SKAP1: variants seen among roughly 807,000 people sequenced by gnomAD.
The protein encoded by SKAP1 is src kinase-associated phosphoprotein 1.
Under a neutral mutation model 58.5 loss-of-function variants are expected in SKAP1, and 44 were observed. The observed-to-expected ratio is 0.75, with a 90% CI of 0.59 to 0.97. The LOEUF (loss-of-function observed/expected upper bound fraction) is 0.97, where lower values mean the gene tolerates loss of function less well. Ranked by LOEUF, SKAP1 falls within the 50% of genes least tolerant of loss-of-function variation. The pLI, the probability that SKAP1 is intolerant of heterozygous loss-of-function variation, is 0.00. For synonymous variants in SKAP1, 127 were observed against 149.7 expected, an observed-to-expected ratio of 0.85 and a Z score of 1.11; for missense variants, 390 against 435.2, an observed-to-expected ratio of 0.90 and a Z score of 0.92.
chr17:48,247,328 T>A (rs913168082), intron 4 of SKAP1, among the ~76,000 whole-genome samples: 1 of 152,058 alleles, frequency 6.6e-6, no homozygotes, highest in African/African-American at 2.4e-5. Flanking sequence ...CGAAGGCAAA[T>A]AGCTAGAAAA....
intron 4 of SKAP1, among the ~76,000 whole-genome samples, chr17:48,269,915 C>G (rs1404536675): frequency 6.6e-6 from 1 of 152,184 alleles, no homozygotes; most frequent in East Asian, 1.9e-4. Flanking sequence ...GAGTTCGCGA[C>G]CTGCCCGACC....
intron 4 of SKAP1, among the ~76,000 whole-genome samples, chr17:48,213,838 C>T (rs1598433289): frequency 6.6e-6 from 1 of 152,214 alleles, no homozygotes. Flanking sequence ...AGTCTATCCA[C>T]ACAACCTGGA....
chr17:48,175,608 A>G (rs1478313619), intron 9 of SKAP1, among the ~76,000 whole-genome samples: 1 of 152,356 alleles, frequency 6.6e-6, no homozygotes, highest in Admixed American at 6.5e-5. Context: ...TGCTAACTGC[A>G]ACACTTGGAA....
At chr17:48,325,970 A>G (rs16955493) in intron 4 of SKAP1, among the ~76,000 whole-genome samples, 26,235 of 152,208 alleles carry the variant, frequency 0.17, 2,311 homozygotes, top group Non-Finnish European at 0.19. Flanking sequence ...AAAACTGTTC[A>G]TTAATTCACA....
At chr17:48,244,651 GAT>G (rs2065276321) in intron 4 of SKAP1, among the ~76,000 whole-genome samples, 1 of 152,160 alleles carries the variant, frequency 6.6e-6, no homozygotes, top group Non-Finnish European at 1.5e-5. Flanking sequence ...TTCTGCTGAT[GAT>G]ACACAGTTAT....
At chr17:48,444,385 G>A in the SKAP1 span, among the ~76,000 whole-genome samples, 2 of 152,238 alleles carry the variant, frequency 1.3e-5, no homozygotes, top group Middle Eastern at 3.4e-3. Flanking sequence ...GTGAGACTCC[G>A]TCTCAAAAAA....
intron 11 of SKAP1, among the ~76,000 whole-genome samples, chr17:48,157,285 G>A (rs920489342): frequency 5.3e-5 from 8 of 151,662 alleles, no homozygotes; most frequent in African/African-American, 1.7e-4. Flanking sequence ...GCCCAAGCTG[G>A]AGCGCAGTGG....
intron 4 of SKAP1, among the ~76,000 whole-genome samples, chr17:48,290,910 G>A (rs932005145): frequency 2.0e-5 from 3 of 152,164 alleles, no homozygotes; most frequent in African/African-American, 7.2e-5. Flanking sequence ...GGAGGCAAAG[G>A]CAGGAGGGTC....
intron 9 of SKAP1, among the ~76,000 whole-genome samples, chr17:48,177,196 C>A (rs529995870): frequency 1.4e-4 from 22 of 152,288 alleles, no homozygotes; most frequent in African/African-American, 5.3e-4. Flanking sequence ...GCTCCATACA[C>A]ATAGCTGGAA....
upstream of SKAP1, among the ~76,000 whole-genome samples, chr17:48,431,311 T>TA (rs1567911979): frequency 6.6e-6 from 1 of 152,012 alleles, no homozygotes; most frequent in Admixed American, 6.6e-5. Context: ...CCCTGTCTCT[T>TA]AAAAAAGAAA....
At chr17:48,167,110 C>T (rs1271925146) in intron 10 of SKAP1, among the ~76,000 whole-genome samples, 2 of 152,178 alleles carry the variant, frequency 1.3e-5, no homozygotes, top group Admixed American at 1.3e-4. Flanking sequence ...AAGCAATTCT[C>T]CCATCTTCGC....
At chr17:48,160,227 T>G (rs2064048435) in intron 11 of SKAP1, among the ~76,000 whole-genome samples, 2 of 152,156 alleles carry the variant, frequency 1.3e-5, no homozygotes, top group African/African-American at 4.8e-5. Flanking sequence ...ACTCCTGGGC[T>G]CAAGTGATTC....
At chr17:48,393,820 A>C (rs558607065) in intron 2 of SKAP1, among the ~76,000 whole-genome samples, 4 of 152,216 alleles carry the variant, frequency 2.6e-5, no homozygotes, top group African/African-American at 9.6e-5. Context: ...TGGCTTTTCC[A>C]GATTATCTTG....
intron 4 of SKAP1, among the ~76,000 whole-genome samples, chr17:48,299,211 C>G (rs2066025795): frequency 6.6e-6 from 1 of 152,168 alleles, no homozygotes; most frequent in African/African-American, 2.4e-5. Context: ...TTTCTCTTCC[C>G]TGAGTTGTAA....
intron 4 of SKAP1, among the ~76,000 whole-genome samples, chr17:48,331,474 C>A (rs1321297734): frequency 1.3e-5 from 2 of 151,742 alleles, no homozygotes; most frequent in African/African-American, 4.8e-5. Context: ...CCAAGGTGGG[C>A]GGATCACCTG....
At chr17:48,357,629 C>CAAAAAAAAAA (rs201907150) in intron 3 of SKAP1, among the ~76,000 whole-genome samples, 2 of 148,438 alleles carry the variant, frequency 1.3e-5, no homozygotes, top group African/African-American at 5.0e-5. Flanking sequence ...GACTCTGTCT[C>CAAAAAAAAAA]AGAAAAAAAG....
At chr17:48,191,843 G>A (rs2064549730) in intron 4 of SKAP1, among the ~76,000 whole-genome samples, 2 of 152,168 alleles carry the variant, frequency 1.3e-5, no homozygotes. Flanking sequence ...ATCTCAGGGT[G>A]CACGCATGAG....
intron 4 of SKAP1, among the ~76,000 whole-genome samples, chr17:48,274,046 C>T (rs796318015): frequency 2.0e-5 from 3 of 152,250 alleles, no homozygotes; most frequent in African/African-American, 7.2e-5. Context: ...GCTTCAGCCT[C>T]CTGAGTAGGT....
At chr17:48,348,606 T>G (rs990665334) in intron 3 of SKAP1, among the ~76,000 whole-genome samples, 3 of 152,194 alleles carry the variant, frequency 2.0e-5, no homozygotes, top group Admixed American at 2.0e-4. Flanking sequence ...TATATTGCTA[T>G]TAACTAAACT....
Sources: gnomAD v4.1 joint callset for allele counts (sites outside exome capture counted in the v4.1 genomes callset) on GRCh38, gnomAD v4.1.1 for gene constraint, MANE v1.5 for transcripts, NCBI Gene and HGNC (gene_info 2026-07-23, HGNC 2026-07-21) for gene names.